Variants in MINDY2 observed in about 807,000 individuals in gnomAD.
The protein encoded by MINDY2 is ubiquitin carboxyl-terminal hydrolase MINDY-2.
Under a neutral mutation model 68.2 loss-of-function variants are expected in MINDY2, and 52 were observed. That is an observed-to-expected ratio of 0.76 (90% CI 0.61 to 0.96). The LOEUF (loss-of-function observed/expected upper bound fraction) is 0.96. Ranked by LOEUF, MINDY2 falls within the 40% of genes least tolerant of loss-of-function variation. The pLI, the probability that MINDY2 is intolerant of heterozygous loss-of-function variation, is 0.00. For missense variants in MINDY2, 881 were observed against 773.4 expected (o/e 1.14, Z -1.65); for synonymous variants, 372 against 303.0 (o/e 1.23, Z -2.36).
intron 5 of MINDY2, among the ~76,000 whole-genome samples, chr15:58,831,077 C>T (rs979737190): frequency 1.4e-4 from 19 of 134,594 alleles, no homozygotes; most frequent in African/African-American, 3.6e-4. Flanking sequence ...AATTATACCC[C>T]GGATCACTTC....
intron 4 of MINDY2, 78 bp from the exon 5 acceptor site, chr15:58,821,639 T>C: frequency 1.3e-6 from 1 of 772,254 alleles, no homozygotes; most frequent in Non-Finnish European, 1.9e-6. Flanking sequence ...TAGAATAAAA[T>C]TCTAAAGAGT....
intron 1 of MINDY2, among the ~76,000 whole-genome samples, chr15:58,777,975 T>A (rs1295172876): frequency 6.6e-6 from 1 of 152,180 alleles, no homozygotes; most frequent in South Asian, 2.1e-4. Context: ...ATTTTAGCTG[T>A]AATAAGTGCT....
At chr15:58,800,398 G>A (rs1902563214) in intron 2 of MINDY2, among the ~76,000 whole-genome samples, 2 of 151,932 alleles carry the variant, frequency 1.3e-5, no homozygotes, top group Non-Finnish European at 2.9e-5. Context: ...CTACTTAAAA[G>A]TATAAAGATC....
At chr15:58,782,456 C>A (rs574976090) in intron 1 of MINDY2, among the ~76,000 whole-genome samples, 1 of 152,286 alleles carries the variant, frequency 6.6e-6, no homozygotes, top group East Asian at 1.9e-4. Flanking sequence ...AGTTCCAAAG[C>A]AGACATCATT....
chr15:58,810,353 A>G lies in MINDY2; in HGVS notation c.1087A>G (p.Ile363Val). 6.2e-7 allele frequency: 1 copy of G among 1,611,992 alleles called. No individual in the cohort carries two copies. Among genetic ancestry groups the G allele is most frequent in the Non-Finnish European group, 8.5e-7 (1 of 1,179,350 alleles). ...PECIVFDLLD[I>V]PLYHGWLVDP... ...ATGCATAGTATTTGATCTTCTTGAT[A>G]TTCCTTTGTACCATGGGTGGTTAGT... is the stretch of plus-strand genomic sequence containing the variant. The change falls in exon 4 of 9, where the codon ATT (isoleucine) becomes GTT (valine). Residue 363 changes from isoleucine (I) to valine (V), a missense_variant. By Grantham distance (29) the Ile-to-Val change is conservative. Coordinates refer to ENST00000559228, the MANE Select transcript of MINDY2 (RefSeq NM_001040450.3).
In MINDY2 at chr15:58,859,986, C is replaced by T. The variant is rs1054647608; in HGVS notation, c.*5376C>T. 8 of 151,972 alleles carry T rather than the reference C, an allele frequency of 5.3e-5. No individual in the cohort carries two copies. Among genetic ancestry groups the T allele is most frequent in the Non-Finnish European group, 1.0e-4 (7 of 68,020 alleles). 9.4% of individuals were successfully genotyped at this position (151,972 alleles called of 1,614,324 possible). On this transcript the variant is annotated 3_prime_UTR_variant, in exon 9 of 9. Coordinates refer to ENST00000559228, the MANE Select transcript of MINDY2 (RefSeq NM_001040450.3). ...GTATTTTTTAGGGCATCGTACTATC[C>T]CAGAGAAAGTGTTGAGATACCATGG...
intron 6 of MINDY2, among the ~76,000 whole-genome samples, chr15:58,845,623 T>C (rs1318710834): frequency 1.3e-5 from 2 of 152,184 alleles, no homozygotes; most frequent in African/African-American, 4.8e-5. Flanking sequence ...ACAACCACTA[T>C]GGAGAACAGT....
chr15:58,806,525 C>T (rs1283677986), intron 3 of MINDY2, among the ~76,000 whole-genome samples: 1 of 151,784 alleles, frequency 6.6e-6, no homozygotes, highest in Non-Finnish European at 1.5e-5. Context: ...TAACTGGCCT[C>T]TTTTAACCGT....
intron 1 of MINDY2, among the ~76,000 whole-genome samples, chr15:58,774,538 ATCTGCCC>A (rs1900658488): frequency 6.6e-6 from 1 of 152,032 alleles, no homozygotes; most frequent in South Asian, 2.1e-4. Context: ...TATGATGCAA[ATCTGCCC>A]TCGTGTAGCT....
At chr15:58,772,331 C>A in intron 1 of MINDY2, 96 bp downstream of exon 1, 1 of 1,528,752 alleles carries the variant, frequency 6.5e-7, no homozygotes, top group Admixed American at 1.9e-5. Context: ...TCCTTTCTTT[C>A]CTCATTCATC....
Position 58,855,919 on chromosome 15 carries a change from C to G in MINDY2, c.*1309C>G, listed in dbSNP as rs80000489. On this transcript the variant is annotated 3_prime_UTR_variant, in exon 9 of 9. Coordinates refer to ENST00000559228, the MANE Select transcript of MINDY2 (RefSeq NM_001040450.3). ...TGGGTGACAGAGGGAGACTCCGTCT[C>G]AAAAAAAAAAAAGTCTGAGAGTAGC... The G allele has an allele frequency of 3.1e-5, 4 of 129,750 alleles. No homozygotes were observed. The East Asian group carries it at 8.7e-4, about 28-fold the overall frequency. 8.0% of individuals were successfully genotyped at this position (129,750 alleles called of 1,614,324 possible).
intron 1 of MINDY2, among the ~76,000 whole-genome samples, chr15:58,781,195 A>G (rs1219270952): frequency 6.6e-6 from 1 of 151,988 alleles, no homozygotes; most frequent in Non-Finnish European, 1.5e-5. Flanking sequence ...GATTACAGAC[A>G]CCTGCCCCCA....
At chr15:58,794,504 T>G (rs474875) in intron 2 of MINDY2, among the ~76,000 whole-genome samples, 75,166 of 151,584 alleles carry the variant, frequency 0.5, 21,491 homozygotes, top group East Asian at 0.84. Flanking sequence ...TATGGGATTT[T>G]TGTTGGAGAA....
intron 2 of MINDY2, among the ~76,000 whole-genome samples, chr15:58,789,024 A>G (rs141790910): frequency 0.014 from 2,074 of 148,266 alleles, 16 homozygotes; most frequent in South Asian, 0.043. Flanking sequence ...AAACAAAAAC[A>G]TATTTTATTT....
At position 58,796,335 on chromosome 15, in the gene MINDY2, C is replaced by T. The variant is rs528822769; in HGVS notation, c.899-5978C>T. ...AAATATGTAAGGCATATTGAAGGAA[C>T]AGTGTATGTGTCTAATTTGACTATA... On this transcript the variant is annotated intron_variant, in intron 2 of 8. Transcript: ENST00000559228. Among the ~76,000 whole-genome samples the T allele has an allele frequency of 9.9e-5, 15 of 152,246 alleles. No individual in the cohort carries two copies. In the East Asian group the frequency reaches 2.5e-3, roughly 25 times the overall value.
At chr15:58,775,761 T>G (rs1312613947) in intron 1 of MINDY2, among the ~76,000 whole-genome samples, 1 of 152,152 alleles carries the variant, frequency 6.6e-6, no homozygotes, top group South Asian at 2.1e-4. Flanking sequence ...TGCCAAAGTT[T>G]GGTTGTGTTG....
At position 58,780,110 on chromosome 15, in the gene MINDY2, T is replaced by C. The variant is rs574464705; in HGVS notation, c.841-7796T>C. Among the ~76,000 whole-genome samples, 3 of 152,190 alleles carry C rather than the reference T, an allele frequency of 2.0e-5. No homozygotes were observed. In the South Asian group the frequency reaches 6.2e-4, roughly 32 times the overall value. ...TAGACTATTGTTCTTATTTTATATATATAGAAAATTGAGGCCAGGTGTGGT... is the reference window on the plus strand; with the variant it reads ...TAGACTATTGTTCTTATTTTATATACATAGAAAATTGAGGCCAGGTGTGGT... On this transcript the variant is annotated intron_variant, in intron 1 of 8. Transcript: ENST00000559228.
Position 58,771,307 on chromosome 15 carries a change from T to A in MINDY2, c.-89T>A, listed in dbSNP as rs16940768. ...GACCGAGGCCGCGCCAGGGCGCTGT[T>A]GCTGCCAATACAGCTGTCATGGCGT... On this transcript the variant is annotated 5_prime_UTR_variant, in exon 1 of 9. Coordinates refer to ENST00000559228, the MANE Select transcript of MINDY2 (RefSeq NM_001040450.3). 17,690 of 1,515,280 alleles carry A rather than the reference T, an allele frequency of 0.012. 1,570 individuals carry two copies. The African/African-American group carries it at 0.2, about 17-fold the overall frequency. 93.9% of individuals were successfully genotyped at this position (1,515,280 alleles called of 1,614,324 possible). A position where few individuals can be genotyped will look rare whatever the true frequency, so the allele number is the denominator to read the frequency against.
chr15:58,789,174 A>G (rs953979001), intron 2 of MINDY2, among the ~76,000 whole-genome samples: 2 of 152,116 alleles, frequency 1.3e-5, no homozygotes, highest in Non-Finnish European at 2.9e-5. Context: ...CGTCTCGACT[A>G]AAAAATACAA....
Sources: allele counts gnomAD v4.1 joint callset (sites outside exome capture counted in the v4.1 genomes callset), GRCh38; gene constraint gnomAD v4.1.1; transcripts MANE v1.5; gene names NCBI Gene and HGNC (gene_info 2026-07-23, HGNC 2026-07-21).